USP3: variants seen among roughly 807,000 people sequenced by gnomAD.
The protein encoded by USP3 is ubiquitin specific peptidase 3, also known as ubiquitin carboxyl-terminal hydrolase 3.
Under a neutral mutation model 72.3 loss-of-function variants are expected in USP3, and 20 were observed. The ratio of observed to expected loss-of-function variants is 0.28; its 90% confidence interval spans 0.19 to 0.40. USP3 has a LOEUF of 0.40. USP3 is among the 10% of genes least tolerant of loss of function. USP3 has a pLI of 1.00. For synonymous variants in USP3, 222 were observed against 225.3 expected (o/e 0.99, Z 0.13); for missense variants, 479 against 633.9 (o/e 0.76, Z 2.62).
At chr15:63,550,835 A>G (rs2066426247) in intron 3 of USP3, among the ~76,000 whole-genome samples, 1 of 152,052 alleles carries the variant, frequency 6.6e-6, no homozygotes, top group Non-Finnish European at 1.5e-5. Flanking sequence ...TCATCTCATC[A>G]CCTTAAAATT....
chr15:63,515,435 G>C (rs750011708), intron 1 of USP3: 1 of 152,238 alleles, frequency 6.6e-6, no homozygotes, highest in Non-Finnish European at 1.5e-5. Flanking sequence ...GGGCAGCCCC[G>C]TGGACCAGAA....
intron 11 of USP3, among the ~76,000 whole-genome samples, chr15:63,577,055 G>A (rs896812473): frequency 1.3e-5 from 2 of 152,118 alleles, no homozygotes; most frequent in Non-Finnish European, 2.9e-5. Flanking sequence ...AAAAGTGATG[G>A]TGAGAAAGAC....
intron 11 of USP3, among the ~76,000 whole-genome samples, chr15:63,586,120 G>A (rs1487054182): frequency 6.6e-6 from 1 of 152,192 alleles, no homozygotes; most frequent in East Asian, 1.9e-4. Flanking sequence ...ATGAGATCAT[G>A]TGATCTGTCA....
chr15:63,511,904 A>G (rs2065787557), intron 1 of USP3, among the ~76,000 whole-genome samples: 1 of 151,634 alleles, frequency 6.6e-6, no homozygotes. Flanking sequence ...TATTTCCTGT[A>G]AAAGTTATAG....
rs1274217071 is a variant in USP3 at position 63,588,206 on chromosome 15, C to CT, written c.1097-98dup. On this transcript the variant is annotated intron_variant, in intron 11 of 14. Coordinates refer to ENST00000380324, the MANE Select transcript of USP3 (RefSeq NM_006537.4). This position sits in a 1 kb window ranked among gnomAD's most constrained non-coding sequence, Gnocchi z 4.6. ...GGTTAACTTTTCTAAGGTCGTATAG[C>CT]TAATAAAGCTGAGATTTTAAACCTG... The CT allele has an allele frequency of 2.2e-5, 19 of 883,562 alleles. No individual in the cohort carries two copies. Among genetic ancestry groups the CT allele is most frequent in the Non-Finnish European group, 2.8e-5 (16 of 578,514 alleles). 54.7% of individuals were successfully genotyped at this position (883,562 alleles called of 1,614,324 possible).
intron 3 of USP3, among the ~76,000 whole-genome samples, chr15:63,540,565 A>G (rs1187177116): frequency 6.6e-6 from 1 of 152,116 alleles, no homozygotes; most frequent in Non-Finnish European, 1.5e-5. Flanking sequence ...GCCACGTAAC[A>G]TTTTTCCTGC....
chr15:63,555,253 T>G (rs1390092024), intron 4 of USP3, among the ~76,000 whole-genome samples: 1 of 151,854 alleles, frequency 6.6e-6, no homozygotes, highest in Non-Finnish European at 1.5e-5. Context: ...TTTTGTGTTT[T>G]GCAAACATTG....
chr15:63,574,057 C>T lies in USP3; in HGVS notation c.920C>T (p.Ser307Phe), dbSNP rs754461452. The T allele has an allele frequency of 6.3e-7, 1 of 1,586,272 alleles. No homozygotes were observed. Residue 307 changes from serine to phenylalanine, a missense_variant, in exon 10 of 15, where the codon TCT (serine) becomes TTT (phenylalanine). Transcript: ENST00000380324. This position sits in a 1 kb window ranked among gnomAD's most constrained non-coding sequence, Gnocchi z 4.6. ...GTGATTTTGTTTAGAAATGGAGCAT[C>T]TACTGTTGTCACGGCTATATTCGGA... Reference protein sequence around the residue: ...ASNKCCINGASTVVTAIFGGI... With the variant: ...ASNKCCINGAFTVVTAIFGGI...
At position 63,574,536 on chromosome 15, in the gene USP3, T is replaced by G; in HGVS notation, c.1096+133T>G. The G allele has an allele frequency of 1.6e-6, 1 of 611,230 alleles. No homozygotes were observed. The highest frequency in any genetic ancestry group is 4.0e-5 in the Admixed American group (1 of 25,172). The allele number at this position is 611,230 out of a possible 1,614,324, so 37.9% of individuals were successfully genotyped here. The stretch of plus-strand genomic sequence containing the variant: ...GTTGTAACTTAACAAAAGTCAAACT[T>G]GAATGTCTTTTCCTACTCCCCAAAA... On this transcript the variant is annotated intron_variant, in intron 11 of 14. Coordinates refer to ENST00000380324, the MANE Select transcript of USP3 (RefSeq NM_006537.4). This position sits in a 1 kb window ranked among gnomAD's most constrained non-coding sequence, Gnocchi z 4.6.
chr15:63,532,382 C>T, intron 1 of USP3: 1 of 513,746 alleles, frequency 1.9e-6, no homozygotes. Context: ...ATAAAGGAGA[C>T]AAGTGTATAT....
chr15:63,582,665 G>C (rs77290236), intron 11 of USP3, among the ~76,000 whole-genome samples: 13,989 of 152,216 alleles, frequency 0.092, 725 homozygotes, highest in Middle Eastern at 0.14. Flanking sequence ...CACCTTGTAA[G>C]TTTAAGCAAC....
chr15:63,532,521 G>A (rs1255109237), intron 1 of USP3, 126 bp from the exon 2 acceptor site: 7 of 1,077,848 alleles, frequency 6.5e-6, no homozygotes, highest in Non-Finnish European at 9.9e-6. Context: ...CATTCACAAA[G>A]CACGGATTTG....
In USP3 at chr15:63,512,337, C is replaced by T. The variant is rs553654351; in HGVS notation, c.91+7507C>T. ...TCTTCTTCCTCTTCTTCCTCTTCCT[C>T]CTCTTCCTCCTCTTCCTCTTCTTCT... is the stretch of plus-strand genomic sequence containing the variant. On this transcript the variant is annotated intron_variant, in intron 1 of 14. Coordinates refer to ENST00000380324, the MANE Select transcript of USP3 (RefSeq NM_006537.4). Among the ~76,000 whole-genome samples, 387 of 108,022 alleles carry T rather than the reference C, an allele frequency of 3.6e-3. 1 individual carries two copies. Among genetic ancestry groups the T allele is most frequent in the Non-Finnish European group, 4.5e-3 (214 of 47,216 alleles). The allele number at this position is 108,022 out of a possible 152,430, so 70.9% of individuals were successfully genotyped here.
rs74018128 is a variant in USP3 at position 63,574,509 on chromosome 15, G to C, written c.1096+106G>C. The C allele has an allele frequency of 0.12, 94,657 of 815,030 alleles. 5,931 individuals are homozygous for C. Among genetic ancestry groups the C allele is most frequent in the African/African-American group, 0.15 (8,247 of 55,632 alleles). 50.5% of individuals were successfully genotyped at this position (815,030 alleles called of 1,614,324 possible). On this transcript the variant is annotated intron_variant, in intron 11 of 14. Coordinates refer to ENST00000380324, the MANE Select transcript of USP3 (RefSeq NM_006537.4). This position sits in a 1 kb window ranked among gnomAD's most constrained non-coding sequence, Gnocchi z 4.6. The stretch of plus-strand genomic sequence containing the variant: ...TTTAATTAATATCTTTAATGAATCT[G>C]TGTTGTAACTTAACAAAAGTCAAAC...
intron 6 of USP3, 128 bp from the exon 7 acceptor site, chr15:63,559,729 C>T (rs1017630813): frequency 3.0e-6 from 2 of 676,110 alleles, no homozygotes; most frequent in African/African-American, 3.7e-5. Context: ...CAAGAGATTG[C>T]ACTGAGTACA....
intron 1 of USP3, among the ~76,000 whole-genome samples, chr15:63,524,000 C>T (rs1173946480): frequency 6.6e-6 from 1 of 152,074 alleles, no homozygotes; most frequent in Non-Finnish European, 1.5e-5. Context: ...AGAATCTTTA[C>T]CTAGAATTTG....
At chr15:63,582,424 G>A (rs141457752) in intron 11 of USP3, among the ~76,000 whole-genome samples, 7 of 152,298 alleles carry the variant, frequency 4.6e-5, no homozygotes, top group Admixed American at 6.5e-5. Flanking sequence ...CCTCTTGGCA[G>A]GCAGTACCAA....
chr15:63,562,835 G>A (rs968961635), intron 7 of USP3, 60 bp from the exon 8 acceptor site: 10 of 1,085,116 alleles, frequency 9.2e-6, no homozygotes, highest in Middle Eastern at 2.0e-4. Context: ...ATGGGTGGAC[G>A]CTGTGTTGAA....
intron 4 of USP3, 101 bp from the exon 5 acceptor site, chr15:63,556,566 C>T (rs947263013): frequency 3.7e-5 from 31 of 839,234 alleles, no homozygotes; most frequent in Non-Finnish European, 5.4e-5. Context: ...AGGGAGGTCT[C>T]CATGCCCTAG....
Sources: allele counts gnomAD v4.1 joint callset (sites outside exome capture counted in the v4.1 genomes callset), GRCh38; gene constraint gnomAD v4.1.1; non-coding constraint Gnocchi (gnomAD v3.1); transcripts MANE v1.5; gene names NCBI Gene and HGNC (gene_info 2026-07-23, HGNC 2026-07-21).